Variants in SHANK2 observed in about 807,000 individuals in gnomAD.
SHANK2 encodes the protein SH3 and multiple ankyrin repeat domains 2.
A neutral mutation model predicts 133.7 loss-of-function variants in SHANK2; 43 were observed. That is an observed-to-expected ratio of 0.32 (90% CI 0.25 to 0.41). The LOEUF (loss-of-function observed/expected upper bound fraction) is 0.41, where lower values mean the gene tolerates loss of function less well. Among genes scored for constraint, SHANK2 ranks in the 10% least tolerant of loss-of-function variants. SHANK2 has a pLI of 1.00. For missense variants in SHANK2, 1,994 were observed against 2,235.8 expected, an observed-to-expected ratio of 0.89 and a Z score of 2.18; for synonymous variants, 1,017 against 952.8, an observed-to-expected ratio of 1.07 and a Z score of -1.24.
At chr11:70,600,627 A>G (rs554680461) in intron 17 of SHANK2, among the ~76,000 whole-genome samples, 1 of 152,244 alleles carries the variant, frequency 6.6e-6, no homozygotes, top group South Asian at 2.1e-4. Context: ...CAGCCACACC[A>G]CAGACCTGCA....
intron 14 of SHANK2, among the ~76,000 whole-genome samples, chr11:70,727,402 G>C (rs928238428): frequency 2.0e-5 from 3 of 152,188 alleles, no homozygotes; most frequent in Non-Finnish European, 2.9e-5. Flanking sequence ...GGGTTCCTTC[G>C]GGGATGCCAA....
rs1015260224 is a variant in SHANK2, at chr11:71,082,075, C to G, written c.913-6800G>C. 5.5e-3 allele frequency among the ~76,000 whole-genome samples: 839 copies of G among 152,318 alleles called. 1 individual carries two copies. The highest frequency in any genetic ancestry group is 7.9e-3 in the Non-Finnish European group (538 of 68,026). On this transcript the variant is annotated intron_variant, in intron 8 of 25. Transcript: ENST00000601538. ...GCCAGAACCCTGTTCACAATGTCCC[C>G]CCGGAGCCAATGCATGCCAGCTGCC... is the stretch of plus-strand genomic sequence containing the variant.
At chr11:71,205,744 T>C (rs1954114426) in intron 2 of SHANK2, among the ~76,000 whole-genome samples, 1 of 152,152 alleles carries the variant, frequency 6.6e-6, no homozygotes, top group Admixed American at 6.5e-5. Flanking sequence ...TCTGGGCATG[T>C]TGGGTCAGGC....
chr11:71,103,869 T>TC (rs1264219146), intron 6 of SHANK2, among the ~76,000 whole-genome samples: 2 of 77,718 alleles, frequency 2.6e-5, no homozygotes, highest in East Asian at 4.5e-4. Context: ...CTTCTCCCTC[T>TC]CCCCCCCTCT....
intron 10 of SHANK2, among the ~76,000 whole-genome samples, chr11:70,955,216 T>C (rs1034959378): frequency 1.3e-5 from 2 of 152,204 alleles, no homozygotes; most frequent in South Asian, 2.1e-4. Flanking sequence ...TTAAAAACTG[T>C]TGAATACAGC....
chr11:71,177,931 A>G (rs1953478489), intron 2 of SHANK2, among the ~76,000 whole-genome samples: 1 of 152,214 alleles, frequency 6.6e-6, no homozygotes, highest in Admixed American at 6.5e-5. Flanking sequence ...GGAAAATGAC[A>G]CATTTGGTGA....
intron 15 of SHANK2, among the ~76,000 whole-genome samples, chr11:70,675,545 C>T (rs1356816899): frequency 1.3e-5 from 2 of 152,184 alleles, no homozygotes; most frequent in Non-Finnish European, 2.9e-5. Context: ...AGTTCCCCGA[C>T]AGCTCACAGC....
intron 13 of SHANK2, among the ~76,000 whole-genome samples, chr11:70,806,101 G>A (rs534546796): frequency 3.3e-5 from 5 of 152,252 alleles, no homozygotes; most frequent in Non-Finnish European, 7.3e-5. Context: ...GAGGCAGCCA[G>A]CTGGGGAAGG....
chr11:71,090,387 C>T (rs1289723539), intron 8 of SHANK2, among the ~76,000 whole-genome samples: 69 of 8,206 alleles, frequency 8.4e-3, no homozygotes, highest in African/African-American at 0.03. Flanking sequence ...TGTGTGTGTC[C>T]CCTGCTGCTT....
chr11:70,514,996 A>T (rs1378199477), intron 17 of SHANK2, among the ~76,000 whole-genome samples: 3 of 152,246 alleles, frequency 2.0e-5, no homozygotes, highest in Admixed American at 6.5e-5. Flanking sequence ...GCTGAGAGTT[A>T]ATAAATGAGA....
intron 21 of SHANK2, among the ~76,000 whole-genome samples, chr11:70,498,315 G>A (rs917095443): frequency 2.0e-5 from 3 of 152,250 alleles, no homozygotes; most frequent in Admixed American, 6.5e-5. Context: ...TAGAAGCAGC[G>A]GCTGTTGCCA....
chr11:71,237,835 C>T (rs1191069267), intron 1 of SHANK2, among the ~76,000 whole-genome samples: 1 of 152,170 alleles, frequency 6.6e-6, no homozygotes, highest in African/African-American at 2.4e-5. Flanking sequence ...TTCTGATGAA[C>T]AAAGGTTCAT....
chr11:70,715,077 T>C (rs1370734831), intron 14 of SHANK2, among the ~76,000 whole-genome samples: 3 of 152,086 alleles, frequency 2.0e-5, no homozygotes, highest in Admixed American at 2.0e-4. Flanking sequence ...AGCACTGGGA[T>C]TACAGGCATG....
chr11:71,151,156 C>G (rs553275314), intron 2 of SHANK2, among the ~76,000 whole-genome samples: 30 of 152,334 alleles, frequency 2.0e-4, no homozygotes, highest in East Asian at 1.7e-3. Flanking sequence ...AGCTCACCCG[C>G]CCCATCAGCC....
At chr11:70,502,400 G>T in intron 18 of SHANK2, 114 bp from the exon 19 acceptor site, 1 of 953,596 alleles carries the variant, frequency 1.0e-6, no homozygotes, top group Non-Finnish European at 1.6e-6. Flanking sequence ...TTTGGCTGCG[G>T]TGGTCAGGGA....
intron 6 of SHANK2, among the ~76,000 whole-genome samples, chr11:71,097,018 T>C (rs12282045): frequency 0.018 from 2,780 of 152,168 alleles, 38 homozygotes; most frequent in African/African-American, 0.039. Context: ...GTGGAGAAAA[T>C]GATCCCACTC....
In SHANK2 at chr11:70,933,617, T is replaced by C. The variant is rs180795548; in HGVS notation, c.1108-37050A>G. ...ATGGGTATATATGTATTTATTGTAATTTTTTAAAAAAGCAACAACAGGCTG... is the reference window on the plus strand; with the variant it reads ...ATGGGTATATATGTATTTATTGTAACTTTTTAAAAAAGCAACAACAGGCTG... On this transcript the variant is annotated intron_variant, in intron 10 of 25. Coordinates refer to ENST00000601538, the MANE Select transcript of SHANK2 (RefSeq NM_012309.5). Among the ~76,000 whole-genome samples the C allele has an allele frequency of 5.3e-5, 8 of 152,310 alleles. No homozygotes were observed. The East Asian group carries it at 1.2e-3, about 22-fold the overall frequency.
intron 2 of SHANK2, among the ~76,000 whole-genome samples, chr11:71,202,053 T>C (rs1470264724): frequency 6.6e-6 from 1 of 152,162 alleles, no homozygotes; most frequent in Non-Finnish European, 1.5e-5. Flanking sequence ...GGAGGAGGGG[T>C]GTGCCCACAT....
At chr11:71,069,231 C>T (rs894238271) in intron 9 of SHANK2, among the ~76,000 whole-genome samples, 59 of 151,968 alleles carry the variant, frequency 3.9e-4, no homozygotes, top group African/African-American at 1.4e-3. Flanking sequence ...ATGACCACCA[C>T]CATCACCATT....
Sources: gnomAD v4.1 joint callset for allele counts (sites outside exome capture counted in the v4.1 genomes callset) on GRCh38, gnomAD v4.1.1 for gene constraint, MANE v1.5 for transcripts, NCBI Gene and HGNC (gene_info 2026-07-23, HGNC 2026-07-21) for gene names.